FLRT2: variants seen among roughly 807,000 people sequenced by gnomAD.
FLRT2 encodes leucine-rich repeat transmembrane protein FLRT2.
FLRT2 carries 15 observed loss-of-function variants against 40.0 expected under a neutral mutation model. The ratio of observed to expected loss-of-function variants is 0.38; its 90% CI spans 0.25 to 0.58. The LOEUF (loss-of-function observed/expected upper bound fraction) is 0.58, where lower values mean the gene tolerates loss of function less well. Among genes scored for constraint, FLRT2 ranks in the 20% least tolerant of loss-of-function variants. FLRT2 has a pLI of 0.71. For synonymous variants in FLRT2, 380 were observed against 336.8 expected (o/e 1.13, Z -1.41); for missense variants, 726 against 840.0 (o/e 0.86, Z 1.68).
rs2139411666 is a variant in FLRT2, at chr14:85,651,657, A to G, written c.*28160A>G. 6.6e-6 allele frequency: 1 copy of G among 152,126 alleles called. No individual in the cohort carries two copies. Among genetic ancestry groups the G allele is most frequent in the African/African-American group, 2.4e-5 (1 of 41,536 alleles). The allele number at this position is 152,126 out of a possible 1,614,324, so 9.4% of individuals were successfully genotyped here. On this transcript the variant is annotated 3_prime_UTR_variant, in exon 2 of 2. Transcript: ENST00000330753. The stretch of plus-strand genomic sequence containing the variant: ...CTCTATTTTGATTGTTTTTAATCTG[A>G]TCATACAGACTTTTATTTTGGCTGA...
chr14:85,576,753 G>A (rs1223035602), intron 1 of FLRT2, among the ~76,000 whole-genome samples: 1 of 152,268 alleles, frequency 6.6e-6, no homozygotes, highest in African/African-American at 2.4e-5. Flanking sequence ...TTGTTTGGTG[G>A]TGGAAATATT....
At chr14:85,583,373 T>G (rs1045082003) in intron 1 of FLRT2, among the ~76,000 whole-genome samples, 1 of 152,222 alleles carries the variant, frequency 6.6e-6, no homozygotes, top group Non-Finnish European at 1.5e-5. Context: ...GCCTTGCAGC[T>G]GGTGTGCTGA....
intron 1 of FLRT2, among the ~76,000 whole-genome samples, chr14:85,570,300 T>C (rs562891656): frequency 2.0e-5 from 3 of 152,330 alleles, no homozygotes; most frequent in African/African-American, 7.2e-5. Context: ...TAAACACATA[T>C]GAAAATTGAA....
rs538192281 is a variant in FLRT2 at position 85,624,760 on chromosome 14, G to A, written c.*1263G>A. 10 of 166,878 alleles carry A rather than the reference G, an allele frequency of 6.0e-5. No individual in the cohort carries two copies. The highest frequency in any genetic ancestry group is 2.0e-4 in the Admixed American group (3 of 15,274). 10.3% of individuals were successfully genotyped at this position (166,878 alleles called of 1,614,324 possible). A position where few individuals can be genotyped will look rare whatever the true frequency, so the allele number is the denominator to read the frequency against. On this transcript the variant is annotated 3_prime_UTR_variant, in exon 2 of 2. Coordinates refer to ENST00000330753, the MANE Select transcript of FLRT2 (RefSeq NM_013231.6). ...CTTGGCTGCACAAGATATCCATTAC[G>A]TACTTATACATTTTAAAATGAGTAC...
At chr14:85,608,509 C>T (rs1892726306) in intron 1 of FLRT2, among the ~76,000 whole-genome samples, 1 of 152,154 alleles carries the variant, frequency 6.6e-6, no homozygotes, top group Admixed American at 6.5e-5. Context: ...GCTAGGATTA[C>T]AGGCATGAGC....
chr14:85,593,407 C>T (rs185329058), intron 1 of FLRT2, among the ~76,000 whole-genome samples: 121 of 152,178 alleles, frequency 8.0e-4, no homozygotes, highest in African/African-American at 2.8e-3. Context: ...GGCTGCAGGG[C>T]CAGTAAGGTT....
chr14:85,583,707 T>C (rs1000285826), intron 1 of FLRT2, among the ~76,000 whole-genome samples: 6 of 152,190 alleles, frequency 3.9e-5, no homozygotes, highest in Admixed American at 2.6e-4. Flanking sequence ...CGTGGAGTGC[T>C]GCATGTTGAT....
rs376511803 is a variant in FLRT2, at chr14:85,632,554, C to T, written c.*9057C>T. On this transcript the variant is annotated 3_prime_UTR_variant, in exon 2 of 2. Transcript: ENST00000330753. ...CAAGTAGACACAAAGTTAAACATTT[C>T]GACAGTCGGCTAGTCAAAATGAATT... The T allele has an allele frequency of 6.6e-5, 10 of 150,450 alleles. No homozygotes were observed. Among genetic ancestry groups the T allele is most frequent in the African/African-American group, 2.2e-4 (9 of 40,934 alleles). 9.3% of individuals were successfully genotyped at this position (150,450 alleles called of 1,614,324 possible).
intron 1 of FLRT2, among the ~76,000 whole-genome samples, chr14:85,534,627 T>G (rs1234307665): frequency 6.6e-6 from 1 of 151,332 alleles, no homozygotes; most frequent in Non-Finnish European, 1.5e-5. Flanking sequence ...GTGCGTGTGT[T>G]TGGGGGAGGG....
chr14:85,610,353 T>G (rs984581244), intron 1 of FLRT2, among the ~76,000 whole-genome samples: 9 of 152,214 alleles, frequency 5.9e-5, no homozygotes, highest in African/African-American at 2.2e-4. Context: ...TAAAATTTCC[T>G]GTTCTACTTC....
chr14:85,598,067 A>C (rs1005138907), intron 1 of FLRT2, among the ~76,000 whole-genome samples: 3 of 152,230 alleles, frequency 2.0e-5, no homozygotes, highest in African/African-American at 7.2e-5. Flanking sequence ...TGTTTCACTC[A>C]AAACTGTCAA....
At chr14:85,614,720 G>A (rs1017940429) in intron 1 of FLRT2, among the ~76,000 whole-genome samples, 99 of 152,116 alleles carry the variant, frequency 6.5e-4, no homozygotes, top group African/African-American at 2.2e-3. Flanking sequence ...CTTTCCCCTA[G>A]TGTTTTTAAT....
intron 1 of FLRT2, among the ~76,000 whole-genome samples, chr14:85,604,265 G>C (rs533715750): frequency 1.3e-5 from 2 of 152,230 alleles, no homozygotes; most frequent in South Asian, 4.2e-4. Flanking sequence ...CTGCCTTAGC[G>C]GAACATTCAG....
intron 1 of FLRT2, among the ~76,000 whole-genome samples, chr14:85,558,873 C>T (rs758069186): frequency 1.2e-4 from 18 of 152,168 alleles, no homozygotes; most frequent in Admixed American, 1.3e-4. Flanking sequence ...TAATAACCTT[C>T]GGGAAATAAT....
At chr14:85,610,723 C>G (rs972182844) in intron 1 of FLRT2, among the ~76,000 whole-genome samples, 1 of 152,142 alleles carries the variant, frequency 6.6e-6, no homozygotes, top group Non-Finnish European at 1.5e-5. Flanking sequence ...CTGAATCCCC[C>G]ATCCTTAGCA....
rs548805532 is a variant in FLRT2 at position 85,623,654 on chromosome 14, G to A, written c.*157G>A. 7.3e-6 allele frequency: 4 copies of A among 544,572 alleles called. No individual in the cohort carries two copies. Among genetic ancestry groups the A allele is most frequent in the Non-Finnish European group, 1.2e-5 (4 of 333,256 alleles). The allele number at this position is 544,572 out of a possible 1,614,324, so 33.7% of individuals were successfully genotyped here. On this transcript the variant is annotated 3_prime_UTR_variant, in exon 2 of 2. Coordinates refer to ENST00000330753, the MANE Select transcript of FLRT2 (RefSeq NM_013231.6). ...AATTTATACGGTGTACTATATAATG[G>A]GATTTAAAAAAAGTGCTATCTTTTC...
In FLRT2 at chr14:85,633,673, G is replaced by T. The variant is rs1893936746; in HGVS notation, c.*10176G>T. On this transcript the variant is annotated 3_prime_UTR_variant, in exon 2 of 2. Transcript: ENST00000330753. ...AAATTAGCCAGGAGTGGTGGCATGTGCCTATAGTCCCAGCTACTTGGGAGG... is the reference window on the plus strand; with the variant it reads ...AAATTAGCCAGGAGTGGTGGCATGTTCCTATAGTCCCAGCTACTTGGGAGG... 1 of 151,296 alleles carries T rather than the reference G, an allele frequency of 6.6e-6. No homozygotes were observed. The highest frequency in any genetic ancestry group is 6.6e-5 in the Admixed American group (1 of 15,146). The allele number at this position is 151,296 out of a possible 1,614,324, so 9.4% of individuals were successfully genotyped here.
intron 1 of FLRT2, among the ~76,000 whole-genome samples, chr14:85,614,571 G>A (rs528748777): frequency 3.8e-4 from 58 of 152,278 alleles, no homozygotes; most frequent in African/African-American, 1.1e-3. Flanking sequence ...GATAGGGAGC[G>A]GCTGGGTGGT....
chr14:85,548,964 A>G (rs1889445008), intron 1 of FLRT2, among the ~76,000 whole-genome samples: 2 of 152,176 alleles, frequency 1.3e-5, no homozygotes, highest in South Asian at 4.1e-4. Flanking sequence ...GACGTTGGAG[A>G]AAAGCAGCTT....
Sources: allele counts gnomAD v4.1 joint callset (sites outside exome capture counted in the v4.1 genomes callset), GRCh38; gene constraint gnomAD v4.1.1; transcripts MANE v1.5; gene names NCBI Gene and HGNC (gene_info 2026-07-23, HGNC 2026-07-21).